Variants in NPC1L1 observed in about 807,000 individuals in gnomAD.
NPC1L1 encodes the protein NPC1-like intracellular cholesterol transporter 1.
Under a neutral mutation model 117.0 loss-of-function variants are expected in NPC1L1, and 98 were observed. The observed-to-expected ratio is 0.84, with a 90% CI of 0.71 to 0.99. The LOEUF (loss-of-function observed/expected upper bound fraction) is 0.99. NPC1L1 is among the 50% of genes least tolerant of loss of function. The pLI, the probability that NPC1L1 is intolerant of heterozygous loss-of-function variation, is 0.00. For synonymous variants in NPC1L1, 729 were observed against 727.6 expected, an observed-to-expected ratio of 1.00 and a Z score of -0.03; for missense variants, 1,540 against 1,710.0, an observed-to-expected ratio of 0.90 and a Z score of 1.75.
rs1314704726 is a variant in NPC1L1, at chr7:44,517,372, C to A, written c.3137-15G>T. 11 of 1,608,666 alleles carry A rather than the reference C, an allele frequency of 6.8e-6. No homozygotes were observed. The highest frequency in any genetic ancestry group is 9.3e-6 in the Non-Finnish European group (11 of 1,180,000). On this transcript the variant is annotated splice_polypyrimidine_tract_variant and intron_variant, in intron 14 of 18. Coordinates refer to ENST00000381160, the MANE Select transcript of NPC1L1 (RefSeq NM_001101648.2). ...GAACCTGGAGGCTGGACAGCCATGG[C>A]ACACAGAAGATGGAAGGGCAAAGGT...
intron 16 of NPC1L1, 82 bp from the exon 17 acceptor site, chr7:44,516,279 C>G: frequency 8.5e-7 from 1 of 1,176,754 alleles, no homozygotes; most frequent in Middle Eastern, 2.5e-4. Flanking sequence ...CCAGGACCAG[C>G]GTGGGGCAGG....
rs60170693 is a variant in NPC1L1, at chr7:44,529,070, CA to C, written c.2637+2684del. ...TGGGTGACAGACTGAGGCTCCATCT[CA>C]AAAAAAAAAAAGAAAAAAAAGAGTG... On this transcript the variant is annotated intron_variant, in intron 10 of 18. Transcript: ENST00000381160. Among the ~76,000 whole-genome samples, 876 of 114,370 alleles carry C rather than the reference CA, an allele frequency of 7.7e-3. 9 individuals are homozygous for C. Among genetic ancestry groups the C allele is most frequent in the African/African-American group, 0.024 (730 of 30,974 alleles). The allele number at this position is 114,370 out of a possible 152,430, so 75.0% of individuals were successfully genotyped here.
chr7:44,538,750 C>T lies in NPC1L1; in HGVS notation c.1580+67G>A, dbSNP rs1043107261. On this transcript the variant is annotated intron_variant, in intron 2 of 18. Transcript: ENST00000381160. This position sits in a 1 kb window ranked among gnomAD's most constrained non-coding sequence, Gnocchi z 5.9. ...CCAGCTGTATGCCCGGCCAGGTTCC[C>T]AGGAGGCCATGGCAGCCCAGCCCCA... 6 of 1,534,046 alleles carry T rather than the reference C, an allele frequency of 3.9e-6. No homozygotes were observed. The highest frequency in any genetic ancestry group is 1.4e-5 in the African/African-American group (1 of 73,468).
chr7:44,512,982 C>CG lies in NPC1L1; in HGVS notation c.*464_*465insC. 1 of 212,832 alleles carries CG rather than the reference C, an allele frequency of 4.7e-6. No individual in the cohort carries two copies. The allele number at this position is 212,832 out of a possible 1,614,324, so 13.2% of individuals were successfully genotyped here. On this transcript the variant is annotated 3_prime_UTR_variant, in exon 19 of 19. Coordinates refer to ENST00000381160, the MANE Select transcript of NPC1L1 (RefSeq NM_001101648.2). ...GTTGGCTCTTGGCCTGAGCCTTTGC[C>CG]TCTCTCTGGCCTCCTGTGATATCAC...
At position 44,536,585 on chromosome 7, in the gene NPC1L1, CTCCTACACCCCACT is replaced by C. The variant is rs371439847; in HGVS notation, c.1682-171_1682-158del. On this transcript the variant is annotated intron_variant, in intron 3 of 18. Coordinates refer to ENST00000381160, the MANE Select transcript of NPC1L1 (RefSeq NM_001101648.2). The surrounding 1 kb of genome is among the most constrained non-coding windows in gnomAD (Gnocchi z 4.7). ...TTCCTCATCTGATACATGGCCTTAC[CTCCTACACCCCACT>C]TCTCTCAGCCAAAGGCGAGACCTTT... 3.8e-3 allele frequency among the ~76,000 whole-genome samples: 576 copies of C among 152,092 alleles called. 6 individuals carry two copies. The highest frequency in any genetic ancestry group is 0.013 in the African/African-American group (527 of 41,462).
chr7:44,517,013 A>C (rs1294416020), intron 15 of NPC1L1, 79 bp from the exon 16 acceptor site: 5 of 1,472,198 alleles, frequency 3.4e-6, no homozygotes, highest in Non-Finnish European at 4.7e-6. Context: ...CTTCAGAAGG[A>C]GAATGCTGAG....
At chr7:44,525,031 C>T (rs184435117) in intron 10 of NPC1L1, among the ~76,000 whole-genome samples, 83 of 152,024 alleles carry the variant, frequency 5.5e-4, no homozygotes, top group African/African-American at 1.8e-3. Flanking sequence ...AAAAAAATAA[C>T]GAAAGTGAAC....
intron 9 of NPC1L1, 108 bp downstream of exon 9, chr7:44,531,972 A>G (rs1801715214): frequency 5.1e-6 from 8 of 1,564,916 alleles, no homozygotes; most frequent in South Asian, 2.3e-5. Flanking sequence ...GCCAGCCCCA[A>G]GTATCAGCAT....
chr7:44,536,830 C>T lies in NPC1L1; in HGVS notation c.1681+12G>A. 1 of 1,608,720 alleles carries T rather than the reference C, an allele frequency of 6.2e-7. No individual in the cohort carries two copies. Among genetic ancestry groups the T allele is most frequent in the Non-Finnish European group, 8.5e-7 (1 of 1,175,098 alleles). ...TCTTCCTTGGCTTCCTCTCAGGGCC[C>T]ACTTAGCTTACCTTTGTACCCCCCA... On this transcript the variant is annotated intron_variant, in intron 3 of 18. Coordinates refer to ENST00000381160, the MANE Select transcript of NPC1L1 (RefSeq NM_001101648.2). The surrounding 1 kb of genome is among the most constrained non-coding windows in gnomAD (Gnocchi z 4.7).
At chr7:44,514,959 G>C (rs758108930) in intron 18 of NPC1L1, among the ~76,000 whole-genome samples, 1 of 152,062 alleles carries the variant, frequency 6.6e-6, no homozygotes, top group East Asian at 1.9e-4. Flanking sequence ...GTTGCAGGGA[G>C]CTGAGATCAT....
In NPC1L1 at chr7:44,517,061, A is replaced by C. The variant is rs1389546720; in HGVS notation, c.3288-127T>G. The C allele has an allele frequency of 3.5e-6, 5 of 1,440,506 alleles. No homozygotes were observed. In the East Asian group the frequency reaches 1.1e-4, roughly 33 times the overall value. The allele number at this position is 1,440,506 out of a possible 1,614,324, so 89.2% of individuals were successfully genotyped here. On this transcript the variant is annotated intron_variant, in intron 15 of 18. Transcript: ENST00000381160. ...TTATATTGGGGTACAAACCAGCCTA[A>C]GAAATAGGCCCAAGGCTGCAGCCAG...
chr7:44,515,363 T>TTAA (rs1376431397), intron 18 of NPC1L1, among the ~76,000 whole-genome samples: 1 of 152,066 alleles, frequency 6.6e-6, no homozygotes, highest in Non-Finnish European at 1.5e-5. Context: ...CCAAAAAATA[T>TTAA]TAATAATAAT....
chr7:44,526,823 T>C (rs947066118), intron 10 of NPC1L1, among the ~76,000 whole-genome samples: 1 of 150,552 alleles, frequency 6.6e-6, no homozygotes, highest in African/African-American at 2.4e-5. Flanking sequence ...CAGGAGTTCA[T>C]GACCAGCCTG....
rs771940661 is a variant in NPC1L1, at chr7:44,536,454, T to C, written c.1682-26A>G. The stretch of plus-strand genomic sequence containing the variant: ...CTGGGATAAGAAATACTCAGACCCT[T>C]CCTGCTGCACCCGTGCCTCCCTCCC... On this transcript the variant is annotated intron_variant, in intron 3 of 18. Transcript: ENST00000381160. The surrounding 1 kb of genome is among the most constrained non-coding windows in gnomAD (Gnocchi z 4.7). 14 of 1,605,560 alleles carry C rather than the reference T, an allele frequency of 8.7e-6. No individual in the cohort carries two copies. The Admixed American group carries it at 2.0e-4, about 23-fold the overall frequency.
rs538001629 is a variant in NPC1L1 at position 44,520,569 on chromosome 7, T to C, written c.3136+196A>G. Among the ~76,000 whole-genome samples the C allele has an allele frequency of 2.6e-5, 4 of 152,224 alleles. No homozygotes were observed. The South Asian group carries it at 6.2e-4, about 24-fold the overall frequency. ...AATTCCACAAACTTAGCACTGACCA[T>C]GGACTTGGGAGTGAGAGAAGGGGTG... On this transcript the variant is annotated intron_variant, in intron 14 of 18. Coordinates refer to ENST00000381160, the MANE Select transcript of NPC1L1 (RefSeq NM_001101648.2).
In NPC1L1 at chr7:44,520,767, A is replaced by G. The variant is rs578227367; in HGVS notation, c.3134T>C (p.Leu1045Ser). Residue 1045 changes from leucine (L) to serine (S), a missense_variant and splice_region_variant, in exon 14 of 19, where the codon TTA (leucine) becomes TCA (serine). Leu to Ser is a moderately radical substitution (Grantham distance 145, BLOSUM62 -2). This residue lies in a region of NPC1L1 where 742 missense variants were observed against 873.6 expected (regional missense o/e 0.85). Transcript: ENST00000381160. The part of the protein sequence containing the change: ...SVNLTSDGQV[L>S]ASRFMAYHKP... Reference sequence around the variant, plus strand: ...CCTCCAGGCAAGGCCATGCTTACCTAAAACCTGGCCATCTGAAGTCAAGTT... The same window carrying G: ...CCTCCAGGCAAGGCCATGCTTACCTGAAACCTGGCCATCTGAAGTCAAGTT... 3.1e-6 allele frequency: 5 copies of G among 1,613,802 alleles called. No individual in the cohort carries two copies. In the East Asian group the frequency reaches 1.1e-4, roughly 36 times the overall value.
chr7:44,531,188 G>C (rs1163808587), intron 10 of NPC1L1, among the ~76,000 whole-genome samples: 1 of 152,200 alleles, frequency 6.6e-6, no homozygotes, highest in African/African-American at 2.4e-5. Context: ...GTGCCTGTTG[G>C]CCCGCACACT....
chr7:44,523,930 T>G (rs1435362670), intron 10 of NPC1L1, among the ~76,000 whole-genome samples: 2 of 152,180 alleles, frequency 1.3e-5, no homozygotes, highest in East Asian at 3.8e-4. Context: ...TCATTACTTC[T>G]GATATTGGTG....
intron 14 of NPC1L1, among the ~76,000 whole-genome samples, chr7:44,517,737 CAG>C (rs1173915451): frequency 1.3e-4 from 20 of 152,274 alleles, no homozygotes; most frequent in African/African-American, 4.8e-4. Context: ...GAAAGGAAGA[CAG>C]AAAAATGAGA....
Sources: gnomAD v4.1 joint callset for allele counts (sites outside exome capture counted in the v4.1 genomes callset) on GRCh38, gnomAD v4.1.1 for gene constraint, gnomAD v4.1.1 regional missense constraint, Gnocchi (gnomAD v3.1) non-coding constraint, MANE v1.5 for transcripts, NCBI Gene and HGNC (gene_info 2026-07-23, HGNC 2026-07-21) for gene names.